Variants in GRIK4 observed in about 807,000 individuals in gnomAD.
The protein encoded by GRIK4 is glutamate ionotropic receptor kainate type subunit 4.
Under a neutral mutation model 104.9 loss-of-function variants are expected in GRIK4, and 40 were observed. The observed-to-expected ratio is 0.38, with a 90% CI of 0.30 to 0.50. GRIK4 has a LOEUF of 0.50. Among genes scored for constraint, GRIK4 ranks in the 20% least tolerant of loss-of-function variants. The pLI, the probability that GRIK4 is intolerant of heterozygous loss-of-function variation, is 0.93. For synonymous variants in GRIK4, 485 were observed against 524.9 expected (o/e 0.92, Z 1.04); for missense variants, 1,047 against 1,308.1 (o/e 0.80, Z 3.08).
At chr11:120,864,503 G>A (rs1340643693) in intron 9 of GRIK4, among the ~76,000 whole-genome samples, 1 of 152,278 alleles carries the variant, frequency 6.6e-6, no homozygotes, top group East Asian at 1.9e-4. Context: ...GCCTCCCAAA[G>A]TGCTGGGATT....
rs796193288 is a variant in GRIK4, at chr11:120,956,948, C to T, written c.1869C>T (p.Gly623=). The part of the protein sequence containing the change: ...PRALSTRCVS[G]VWWAFTLIII... ...CCTTATCCACCCGCTGTGTCAGTGG[C>T]GTCTGGTAAGGCCCCAGGCAGAGGT... Residue 623 remains glycine (G), a synonymous_variant, in exon 16 of 21, where the codon GGC becomes GGT. Transcript: ENST00000527524. This position sits in a 1 kb window ranked among gnomAD's most constrained non-coding sequence, Gnocchi z 4.6. 3 of 1,605,172 alleles carry T rather than the reference C, an allele frequency of 1.9e-6. No individual in the cohort carries two copies. Among genetic ancestry groups the T allele is most frequent in the African/African-American group, 1.3e-5 (1 of 74,982 alleles).
At chr11:120,901,088 C>G (rs1942724725) in intron 12 of GRIK4, among the ~76,000 whole-genome samples, 1 of 152,214 alleles carries the variant, frequency 6.6e-6, no homozygotes, top group East Asian at 1.9e-4. Flanking sequence ...CCATACTCTG[C>G]TGGCAGGCTC....
Position 120,908,768 on chromosome 11 carries a change from T to G in GRIK4, c.1476+3275T>G, listed in dbSNP as rs117582462. On this transcript the variant is annotated intron_variant, in intron 13 of 20. Transcript: ENST00000527524. The stretch of plus-strand genomic sequence containing the variant: ...GAAACTTGTATCTGTGAGTCCCATC[T>G]CTCACTGACTGAAGTTCATACCACA... Among the ~76,000 whole-genome samples, 284 of 152,326 alleles carry G rather than the reference T, an allele frequency of 1.9e-3. 1 individual carries two copies. The highest frequency in any genetic ancestry group is 3.5e-3 in the Non-Finnish European group (235 of 68,034).
intron 6 of GRIK4, among the ~76,000 whole-genome samples, chr11:120,828,709 G>A (rs1032584501): frequency 4.6e-5 from 7 of 152,142 alleles, no homozygotes; most frequent in Admixed American, 1.3e-4. Flanking sequence ...GGCGGGATGC[G>A]GACCTCCCAG....
At chr11:120,599,102 G>T (rs1159478579) in intron 1 of GRIK4, among the ~76,000 whole-genome samples, 1 of 152,216 alleles carries the variant, frequency 6.6e-6, no homozygotes, top group African/African-American at 2.4e-5. Flanking sequence ...GTGGAGAGGG[G>T]GCTTACTGAG....
At chr11:120,932,677 T>C (rs1943507445) in intron 13 of GRIK4, among the ~76,000 whole-genome samples, 1 of 152,210 alleles carries the variant, frequency 6.6e-6, no homozygotes, top group Non-Finnish European at 1.5e-5. Context: ...TCATCCCAAC[T>C]GTAGCCTCCC....
At chr11:120,957,648 A>C (rs936257124) in intron 16 of GRIK4, among the ~76,000 whole-genome samples, 2 of 108,248 alleles carry the variant, frequency 1.8e-5, no homozygotes, top group African/African-American at 7.3e-5. Context: ...GCAAGTTTGC[A>C]GAACACAACT....
chr11:120,623,940 T>TC (rs1439161452), intron 1 of GRIK4, among the ~76,000 whole-genome samples: 9 of 149,064 alleles, frequency 6.0e-5, no homozygotes. Context: ...CTCCTCCTCC[T>TC]CTTCCCCCTT....
intron 3 of GRIK4, among the ~76,000 whole-genome samples, chr11:120,777,437 T>C (rs1390793918): frequency 6.6e-6 from 1 of 152,264 alleles, no homozygotes; most frequent in Non-Finnish European, 1.5e-5. Flanking sequence ...AGTCACATTG[T>C]ACCTCCGCTC....
chr11:120,905,530 G>A lies in GRIK4; in HGVS notation c.1476+37G>A. On this transcript the variant is annotated intron_variant, in intron 13 of 20. Transcript: ENST00000527524. The surrounding 1 kb of genome is among the most constrained non-coding windows in gnomAD (Gnocchi z 5.1). ...ACAAGTGATCTGGGCCTGAGGGTGG[G>A]CTGGGAGGGATTGGAAGAGCATGAG... 1.9e-6 allele frequency: 2 copies of A among 1,078,904 alleles called. No individual in the cohort carries two copies. The highest frequency in any genetic ancestry group is 1.4e-6 in the Non-Finnish European group (1 of 704,566). The allele number at this position is 1,078,904 out of a possible 1,614,324, so 66.8% of individuals were successfully genotyped here. A position where few individuals can be genotyped will look rare whatever the true frequency, so the allele number is the denominator to read the frequency against.
intron 9 of GRIK4, among the ~76,000 whole-genome samples, chr11:120,866,821 T>A (rs1954429445): frequency 6.6e-6 from 1 of 151,976 alleles, no homozygotes. Context: ...AATGGACGAG[T>A]GTTCTTTCTT....
chr11:120,616,048 C>T (rs1949108541), intron 1 of GRIK4, among the ~76,000 whole-genome samples: 1 of 152,132 alleles, frequency 6.6e-6, no homozygotes, highest in Non-Finnish European at 1.5e-5. Flanking sequence ...ACAGGTCAAG[C>T]ACCCGGGATC....
intron 16 of GRIK4, among the ~76,000 whole-genome samples, chr11:120,957,591 ATGTGTG>A (rs72064502): frequency 1.2e-4 from 17 of 136,530 alleles, no homozygotes; most frequent in South Asian, 7.4e-4. Context: ...GACAAAACAA[ATGTGTG>A]TGTGTGTGTG....
chr11:120,615,134 T>C (rs1299900420), intron 1 of GRIK4, among the ~76,000 whole-genome samples: 3 of 152,228 alleles, frequency 2.0e-5, no homozygotes, highest in Non-Finnish European at 4.4e-5. Flanking sequence ...GTCCTTTTGA[T>C]ATCCCATGAA....
intron 1 of GRIK4, among the ~76,000 whole-genome samples, chr11:120,586,020 A>G (rs570993044): frequency 3.9e-5 from 6 of 152,290 alleles, no homozygotes; most frequent in Admixed American, 2.0e-4. Flanking sequence ...AGACAGCTGG[A>G]CATATGAGTC....
intron 3 of GRIK4, among the ~76,000 whole-genome samples, chr11:120,722,544 G>T (rs1225449981): frequency 6.6e-6 from 1 of 151,978 alleles, no homozygotes; most frequent in African/African-American, 2.4e-5. Context: ...GGAAGCGGAG[G>T]TTGCAGTGAG....
At chr11:120,885,493 C>G (rs372708400) in intron 11 of GRIK4, among the ~76,000 whole-genome samples, 2 of 151,776 alleles carry the variant, frequency 1.3e-5, no homozygotes, top group South Asian at 4.1e-4. Flanking sequence ...TCAAGCGATT[C>G]TCTTGTCTCA....
intron 3 of GRIK4, among the ~76,000 whole-genome samples, chr11:120,709,575 A>G (rs1950689811): frequency 6.6e-6 from 1 of 152,210 alleles, no homozygotes; most frequent in South Asian, 2.1e-4. Context: ...GTACTGGAGA[A>G]TTGGTGCCAT....
At chr11:120,599,572 G>A (rs1201977794) in intron 1 of GRIK4, among the ~76,000 whole-genome samples, 1 of 152,216 alleles carries the variant, frequency 6.6e-6, no homozygotes, top group African/African-American at 2.4e-5. Flanking sequence ...TGTCTTGCCA[G>A]CTCCATCTCT....
Sources: allele counts gnomAD v4.1 joint callset (sites outside exome capture counted in the v4.1 genomes callset), GRCh38; gene constraint gnomAD v4.1.1; non-coding constraint Gnocchi (gnomAD v3.1); transcripts MANE v1.5; gene names NCBI Gene and HGNC (gene_info 2026-07-23, HGNC 2026-07-21).